The following DGKI variants were observed in gnomAD, a reference collection of about 807,000 sequenced individuals.
DGKI encodes the protein DAG kinase iota.
A neutral mutation model predicts 147.5 loss-of-function variants in DGKI; 55 were observed. The observed-to-expected ratio is 0.37, with a 90% CI of 0.30 to 0.47. The LOEUF is 0.47. Among genes scored for constraint, DGKI ranks in the 20% least tolerant of loss-of-function variants. The probability of loss-of-function intolerance (pLI) is 1.00; values close to 1 mark genes in which losing one functional copy is unlikely to be tolerated. For synonymous variants in DGKI, 469 were observed against 477.1 expected, an observed-to-expected ratio of 0.98 and a Z score of 0.22; for missense variants, 1,007 against 1,323.8, an observed-to-expected ratio of 0.76 and a Z score of 3.71.
At chr7:137,742,081 C>T (rs776178803) in intron 1 of DGKI, among the ~76,000 whole-genome samples, 9 of 152,188 alleles carry the variant, frequency 5.9e-5, no homozygotes, top group South Asian at 2.1e-4. Flanking sequence ...TCTTTAATAA[C>T]GATCTCCCAT....
intron 1 of DGKI, among the ~76,000 whole-genome samples, chr7:137,827,823 T>C (rs1423645781): frequency 1.3e-5 from 2 of 152,248 alleles, no homozygotes; most frequent in African/African-American, 4.8e-5. Flanking sequence ...CAGGAGAGAT[T>C]AGAAGCAAAT....
intron 15 of DGKI, among the ~76,000 whole-genome samples, chr7:137,581,059 AAG>A (rs143276860): frequency 2.0e-5 from 3 of 151,152 alleles, no homozygotes; most frequent in East Asian, 1.9e-4. Flanking sequence ...ATGAGACAGA[AAG>A]AGAGAGAGAG....
intron 8 of DGKI, among the ~76,000 whole-genome samples, chr7:137,611,375 A>T (rs918967011): frequency 6.6e-6 from 1 of 152,158 alleles, no homozygotes; most frequent in Non-Finnish European, 1.5e-5. Flanking sequence ...CTATTCTTTC[A>T]TCTGTTTGGG....
chr7:137,479,327 A>G (rs1815289016), intron 23 of DGKI, among the ~76,000 whole-genome samples: 1 of 152,122 alleles, frequency 6.6e-6, no homozygotes, highest in Admixed American at 6.5e-5. Context: ...AATCCCTGAT[A>G]CGTGAATCTT....
chr7:137,382,748 C>G lies in DGKI; in HGVS notation c.*8472G>C, dbSNP rs1294645066. ...CTGCCCCTCTTTTATGCCCCCAAAC[C>G]AGAGGCAAGAAGTAGAACAAGAAAG... On this transcript the variant is annotated 3_prime_UTR_variant, in exon 33 of 33. Coordinates refer to ENST00000614521, the MANE Select transcript of DGKI (RefSeq NM_001321708.2). The G allele has an allele frequency of 1.3e-5, 2 of 151,926 alleles. No individual in the cohort carries two copies. Among genetic ancestry groups the G allele is most frequent in the African/African-American group, 4.8e-5 (2 of 41,368 alleles). 9.4% of individuals were successfully genotyped at this position (151,926 alleles called of 1,614,324 possible).
chr7:137,821,447 T>C (rs1025335723), intron 1 of DGKI, among the ~76,000 whole-genome samples: 12 of 151,900 alleles, frequency 7.9e-5, no homozygotes, highest in Admixed American at 2.6e-4. Flanking sequence ...TTAAAAGTCC[T>C]TTAGAAGTAA....
intron 28 of DGKI, among the ~76,000 whole-genome samples, chr7:137,434,686 C>T (rs769153978): frequency 1.3e-5 from 2 of 151,986 alleles, no homozygotes; most frequent in Non-Finnish European, 1.5e-5. Context: ...CAAAGCATTC[C>T]AGAAAAACCA....
At chr7:137,718,495 C>T (rs1023988075) in intron 1 of DGKI, among the ~76,000 whole-genome samples, 1 of 152,194 alleles carries the variant, frequency 6.6e-6, no homozygotes, top group African/African-American at 2.4e-5. Context: ...ACGCCAAAGG[C>T]TTTTTCTGAC....
intron 28 of DGKI, among the ~76,000 whole-genome samples, chr7:137,437,488 T>C (rs1015826018): frequency 1.1e-4 from 17 of 152,164 alleles, no homozygotes; most frequent in Non-Finnish European, 1.9e-4. Context: ...ACTCTATTCA[T>C]AGCCATTTGA....
At position 137,572,991 on chromosome 7, in the gene DGKI, T is replaced by C. The variant is rs138732396; in HGVS notation, c.1762-153A>G. 4.6e-3 allele frequency among the ~76,000 whole-genome samples: 699 copies of C among 152,318 alleles called. 2 individuals carry two copies. The highest frequency in any genetic ancestry group is 6.7e-3 in the Non-Finnish European group (458 of 68,032). ...ATGCCGGTCACAGTGATTAAAAATA[T>C]ATTCTGGTTATAGCTTTACTGGACC... On this transcript the variant is annotated intron_variant, in intron 17 of 32. Transcript: ENST00000614521.
At chr7:137,777,990 G>A (rs769585050) in intron 1 of DGKI, among the ~76,000 whole-genome samples, 4 of 152,168 alleles carry the variant, frequency 2.6e-5, no homozygotes, top group Non-Finnish European at 5.9e-5. Flanking sequence ...AATACTAGGC[G>A]ATTGGCAATC....
chr7:137,679,498 A>T (rs1157722802), intron 2 of DGKI, among the ~76,000 whole-genome samples: 1 of 151,236 alleles, frequency 6.6e-6, no homozygotes, highest in Non-Finnish European at 1.5e-5. Context: ...TATTAATTGT[A>T]TATTTTGCTC....
intron 1 of DGKI, among the ~76,000 whole-genome samples, chr7:137,757,958 C>T (rs1287162844): frequency 6.6e-6 from 1 of 152,202 alleles, no homozygotes; most frequent in African/African-American, 2.4e-5. Context: ...CCTCTGCACC[C>T]TGGGGAAATC....
chr7:137,693,343 T>C (rs1421468310), intron 1 of DGKI, among the ~76,000 whole-genome samples: 1 of 152,224 alleles, frequency 6.6e-6, no homozygotes, highest in Admixed American at 6.5e-5. Context: ...TGATTCTTTC[T>C]ATTAATTTCA....
chr7:137,409,411 G>C (rs1437536207), intron 29 of DGKI, among the ~76,000 whole-genome samples: 1 of 152,140 alleles, frequency 6.6e-6, no homozygotes, highest in Non-Finnish European at 1.5e-5. Context: ...GAATCACACA[G>C]TAATGGACAG....
intron 30 of DGKI, among the ~76,000 whole-genome samples, chr7:137,399,911 CAAA>C (rs11358849): frequency 2.2e-5 from 3 of 134,358 alleles, no homozygotes; most frequent in Admixed American, 7.7e-5. Context: ...CAAGACTTCT[CAAA>C]AAAAAAAAAA....
intron 8 of DGKI, among the ~76,000 whole-genome samples, chr7:137,618,151 A>ATATATATATATATTT: frequency 1.1e-3 from 11 of 10,462 alleles, no homozygotes; most frequent in Admixed American, 3.6e-3. Context: ...ATATATATAT[A>ATATATATATATATTT]TTTTTTTTTT....
At chr7:137,703,160 C>T (rs1249960629) in intron 1 of DGKI, among the ~76,000 whole-genome samples, 3 of 152,128 alleles carry the variant, frequency 2.0e-5, no homozygotes, top group Non-Finnish European at 4.4e-5. Context: ...CGGAAACTTA[C>T]GATCACGGCG....
At chr7:137,679,767 C>T (rs561227561) in intron 2 of DGKI, among the ~76,000 whole-genome samples, 3 of 152,012 alleles carry the variant, frequency 2.0e-5, no homozygotes, top group Middle Eastern at 3.4e-3. Context: ...GTGGGCAGAA[C>T]ACTTGAAGTC....
Sources: allele counts gnomAD v4.1 joint callset (sites outside exome capture counted in the v4.1 genomes callset), GRCh38; gene constraint gnomAD v4.1.1; transcripts MANE v1.5; gene names NCBI Gene and HGNC (gene_info 2026-07-23, HGNC 2026-07-21).